Variants in CTNNA1 observed in about 807,000 individuals in gnomAD.
The protein encoded by CTNNA1 is catenin alpha 1, also known as catenin alpha-1.
CTNNA1 carries 37 observed loss-of-function variants against 98.4 expected under a neutral mutation model. The ratio of observed to expected loss-of-function variants is 0.38; its 90% CI spans 0.29 to 0.49. The LOEUF (loss-of-function observed/expected upper bound fraction) is 0.49. CTNNA1 is among the 20% of genes least tolerant of loss of function. CTNNA1 has a pLI of 0.95. For missense variants in CTNNA1, 761 were observed against 1,147.2 expected (o/e 0.66, Z 4.86); for synonymous variants, 404 against 413.2 (o/e 0.98, Z 0.27).
chr5:138,847,840 T>G (rs1161258700), intron 7 of CTNNA1, among the ~76,000 whole-genome samples: 2 of 152,196 alleles, frequency 1.3e-5, no homozygotes, highest in Non-Finnish European at 2.9e-5. Context: ...GTCATTAAGT[T>G]TGTGTTTCTT....
intron 9 of CTNNA1, among the ~76,000 whole-genome samples, chr5:138,896,480 C>G (rs188019414): frequency 1.5e-4 from 23 of 152,230 alleles, no homozygotes; most frequent in South Asian, 2.1e-4. Flanking sequence ...GACCTGTGAC[C>G]GCCTCATACT....
chr5:138,773,945 G>A (rs904823910), intron 1 of CTNNA1, among the ~76,000 whole-genome samples: 7 of 152,052 alleles, frequency 4.6e-5, no homozygotes, highest in African/African-American at 1.2e-4. Context: ...GTGCAGTGGC[G>A]TGATCTCATC....
chr5:138,815,670 C>T (rs572468356), intron 5 of CTNNA1, among the ~76,000 whole-genome samples: 13 of 152,086 alleles, frequency 8.5e-5, no homozygotes, highest in South Asian at 4.2e-4. Context: ...TTGAGTCACC[C>T]GATTTGATTT....
At chr5:138,786,982 C>A (rs1422719470) in intron 3 of CTNNA1, among the ~76,000 whole-genome samples, 1 of 152,212 alleles carries the variant, frequency 6.6e-6, no homozygotes, top group African/African-American at 2.4e-5. Flanking sequence ...CTGAATTTTT[C>A]TGATAAATAA....
At chr5:138,780,099 T>C (rs1348843779) in intron 1 of CTNNA1, among the ~76,000 whole-genome samples, 1 of 152,232 alleles carries the variant, frequency 6.6e-6, no homozygotes, top group African/African-American at 2.4e-5. Flanking sequence ...TCCCAGTTTT[T>C]ACATGTTCCT....
chr5:138,789,506 G>A (rs551435462), intron 3 of CTNNA1, among the ~76,000 whole-genome samples: 5 of 152,232 alleles, frequency 3.3e-5, no homozygotes, highest in South Asian at 4.2e-4. Context: ...CGTCCAGGCC[G>A]GAATGCAGTG....
chr5:138,906,565 C>T (rs762490646), intron 10 of CTNNA1, among the ~76,000 whole-genome samples: 2 of 152,126 alleles, frequency 1.3e-5, no homozygotes, highest in African/African-American at 2.4e-5. Flanking sequence ...AAAAATCACA[C>T]GGAGAGTCTA....
At position 138,873,612 on chromosome 5, in the gene CTNNA1, C is replaced by T. The variant is rs370649836; in HGVS notation, c.1063-12600C>T. On this transcript the variant is annotated intron_variant, in intron 7 of 17. Coordinates refer to ENST00000302763, the MANE Select transcript of CTNNA1 (RefSeq NM_001903.5). This position sits in a 1 kb window ranked among gnomAD's most constrained non-coding sequence, Gnocchi z 6.1. ...CAGGAGGCCAGAGCACATATTCGGG[C>T]GCTGCATTCCCACAGATTGCCAGAG... is the stretch of plus-strand genomic sequence containing the variant. 1.3e-5 allele frequency: 21 copies of T among 1,613,828 alleles called. No individual in the cohort carries two copies. The highest frequency in any genetic ancestry group is 1.0e-4 in the Admixed American group (6 of 60,006).
intron 2 of CTNNA1, among the ~76,000 whole-genome samples, chr5:138,782,557 A>G (rs751142942): frequency 6.6e-6 from 1 of 152,200 alleles, no homozygotes; most frequent in Non-Finnish European, 1.5e-5. Context: ...GAGAGAGAAA[A>G]TGAGTCTTGT....
At chr5:138,776,724 C>T (rs1291389645) in intron 1 of CTNNA1, among the ~76,000 whole-genome samples, 30 of 138,858 alleles carry the variant, frequency 2.2e-4, no homozygotes, top group African/African-American at 7.1e-4. Context: ...GGCAGAGGGG[C>T]TCCTCACTTC....
At position 138,860,014 on chromosome 5, in the gene CTNNA1, GTGTGTGTGTGTGTTTAAAGAT is replaced by G. The variant is rs1453541865; in HGVS notation, c.1063-26174_1063-26154del. Among the ~76,000 whole-genome samples, 9 of 151,942 alleles carry G rather than the reference GTGTGTGTGTGTGTTTAAAGAT, an allele frequency of 5.9e-5. No individual in the cohort carries two copies. In the South Asian group the frequency reaches 1.7e-3, roughly 28 times the overall value. On this transcript the variant is annotated intron_variant, in intron 7 of 17. Transcript: ENST00000302763. ...CGGGGTGTGGTGTGCGTGTGCATGCGTGTGTGTGTGTGTTTAAAGATTGTGTGTGTGTGTTTAAAGATTGAT... is the reference window on the plus strand; with the variant it reads ...CGGGGTGTGGTGTGCGTGTGCATGCGTGTGTGTGTGTGTTTAAAGATTGAT...
chr5:138,886,995 C>T (rs1754204890), intron 8 of CTNNA1, among the ~76,000 whole-genome samples: 1 of 151,892 alleles, frequency 6.6e-6, no homozygotes, highest in African/African-American at 2.4e-5. Context: ...ATTCAATTTC[C>T]TTTTGGTGAA....
chr5:138,850,968 T>C (rs951055360), intron 7 of CTNNA1, among the ~76,000 whole-genome samples: 1 of 152,352 alleles, frequency 6.6e-6, no homozygotes, highest in African/African-American at 2.4e-5. Flanking sequence ...TATTGAGCAT[T>C]ACCTTAAGCA....
At chr5:138,780,821 G>A (rs553461879) in intron 1 of CTNNA1, among the ~76,000 whole-genome samples, 5 of 152,262 alleles carry the variant, frequency 3.3e-5, no homozygotes, top group African/African-American at 1.2e-4. Flanking sequence ...CAGCCTTTAA[G>A]CTTTTAAATG....
intron 7 of CTNNA1, among the ~76,000 whole-genome samples, chr5:138,877,876 G>A (rs575426236): frequency 1.4e-4 from 21 of 152,278 alleles, no homozygotes; most frequent in African/African-American, 4.6e-4. Context: ...AAGTAACTAC[G>A]TTAGTTCCTT....
At chr5:138,758,309 C>T (rs928200422) in intron 1 of CTNNA1, among the ~76,000 whole-genome samples, 10 of 152,210 alleles carry the variant, frequency 6.6e-5, no homozygotes, top group African/African-American at 2.4e-4. Flanking sequence ...TCATGCCGTT[C>T]TCCTGCCTCA....
intron 7 of CTNNA1, among the ~76,000 whole-genome samples, chr5:138,854,657 A>C (rs535614099): frequency 6.6e-6 from 1 of 152,378 alleles, no homozygotes; most frequent in Admixed American, 6.5e-5. Flanking sequence ...CCTCTCTATT[A>C]GAAAAACATT....
intron 7 of CTNNA1, among the ~76,000 whole-genome samples, chr5:138,833,897 C>A (rs1213618968): frequency 6.6e-6 from 1 of 152,078 alleles, no homozygotes; most frequent in East Asian, 1.9e-4. Flanking sequence ...GTTGTAGGAT[C>A]CCAAAAGAAG....
intron 7 of CTNNA1, among the ~76,000 whole-genome samples, chr5:138,835,548 A>G (rs1242984248): frequency 6.6e-6 from 1 of 152,234 alleles, no homozygotes; most frequent in Non-Finnish European, 1.5e-5. Flanking sequence ...GAGAGTTTAT[A>G]TAAGTAGATG....
Sources: gnomAD v4.1 joint callset for allele counts (sites outside exome capture counted in the v4.1 genomes callset) on GRCh38, gnomAD v4.1.1 for gene constraint, Gnocchi (gnomAD v3.1) non-coding constraint, MANE v1.5 for transcripts, NCBI Gene and HGNC (gene_info 2026-07-23, HGNC 2026-07-21) for gene names.